SEC24C: variants seen among roughly 807,000 people sequenced by gnomAD.
The protein encoded by SEC24C is protein transport protein Sec24C.
Under a neutral mutation model 117.0 loss-of-function variants are expected in SEC24C, and 22 were observed. That is an observed-to-expected ratio of 0.19 (90% CI 0.13 to 0.27). The LOEUF is 0.27. Among genes scored for constraint, SEC24C ranks in the 10% least tolerant of loss-of-function variants. The probability of loss-of-function intolerance (pLI) is 1.00; values close to 1 mark genes in which losing one functional copy is unlikely to be tolerated. For missense variants in SEC24C, 1,155 were observed against 1,375.1 expected (o/e 0.84, Z 2.53); for synonymous variants, 506 against 529.4 (o/e 0.96, Z 0.61).
At chr10:73,759,162 C>T (rs1246725838) in intron 3 of SEC24C, among the ~76,000 whole-genome samples, 3 of 151,566 alleles carry the variant, frequency 2.0e-5, no homozygotes, top group African/African-American at 7.3e-5. Flanking sequence ...CACCACTGCA[C>T]TTCAGCCTGG....
At chr10:73,768,965 C>G (rs371812728) in intron 16 of SEC24C, 42 bp from the exon 17 acceptor site, 1 of 1,614,216 alleles carries the variant, frequency 6.2e-7, no homozygotes, top group Non-Finnish European at 8.5e-7. Flanking sequence ...GCATGTGGCA[C>G]TTGTCATACT....
intron 7 of SEC24C, 65 bp downstream of exon 7, chr10:73,763,666 GCTTTTTTTTTTTTTTTTTT>G: frequency 4.7e-6 from 1 of 212,428 alleles, no homozygotes. Flanking sequence ...TATGGTTGGG[GCTTTTTTTTTTTTTTTTTT>G]TTTTTTTTTT....
rs767691076 is a variant in SEC24C, at chr10:73,770,040, G to A, written c.2862+25G>A. ...GGTGCGATTGAGGGTTGGAGTATGA[G>A]ATCTTGCACGGAGCAAAGGGCCTCT... is the stretch of plus-strand genomic sequence containing the variant. On this transcript the variant is annotated intron_variant, in intron 20 of 22. Coordinates refer to ENST00000345254, the MANE Select transcript of SEC24C (RefSeq NM_198597.3). 3.7e-6 allele frequency: 6 copies of A among 1,608,866 alleles called. No homozygotes were observed. In the African/African-American group the frequency reaches 5.3e-5, roughly 14 times the overall value.
chr10:73,762,000 T>C, intron 6 of SEC24C: 5 of 794,100 alleles, frequency 6.3e-6, no homozygotes, highest in Non-Finnish European at 9.3e-6. Flanking sequence ...GCTGTTCATG[T>C]CTAACTCAAC....
intron 4 of SEC24C, 48 bp from the exon 5 acceptor site, chr10:73,759,970 G>A: frequency 6.6e-7 from 1 of 1,522,490 alleles, no homozygotes; most frequent in African/African-American, 1.4e-5. Flanking sequence ...ACCGAACAAG[G>A]AGGCAGAATG....
rs986511957 is a variant in SEC24C at position 73,771,311 on chromosome 10, C to T, written c.*216C>T. Reference sequence around the variant, plus strand: ...GGTGCCCCTGTTCCCTCATTCTACCCTCTTTTTCCTGCTAATCCTGTCATA... The same window carrying T: ...GGTGCCCCTGTTCCCTCATTCTACCTTCTTTTTCCTGCTAATCCTGTCATA... On this transcript the variant is annotated 3_prime_UTR_variant, in exon 23 of 23. Coordinates refer to ENST00000345254, the MANE Select transcript of SEC24C (RefSeq NM_198597.3). The T allele has an allele frequency of 1.8e-6, 1 of 569,800 alleles. No homozygotes were observed. The highest frequency in any genetic ancestry group is 3.1e-6 in the Non-Finnish European group (1 of 323,326). 35.3% of individuals were successfully genotyped at this position (569,800 alleles called of 1,614,324 possible).
chr10:73,767,497 G>A (rs898802618), intron 14 of SEC24C, among the ~76,000 whole-genome samples: 4 of 151,962 alleles, frequency 2.6e-5, no homozygotes, highest in South Asian at 4.2e-4. Context: ...GCAAAACCCC[G>A]TCTCTACTAA....
chr10:73,760,354 C>T lies in SEC24C; in HGVS notation c.818C>T (p.Pro273Leu), dbSNP rs577544172. Residue 273 changes from proline to leucine, a missense_variant, in exon 5 of 23, where the codon CCG becomes CTG. By Grantham distance (98) the Pro-to-Leu change is moderately conservative (BLOSUM62 -3). Transcript: ENST00000345254. ...PLGPLPPMHSPQQPGYQPQQN... is the reference protein window; with the variant it reads ...PLGPLPPMHSLQQPGYQPQQN... ...GGACCACTGCCACCTATGCACTCCC[C>T]GCAGCAGCCAGGCTATCAGCCCCAA... is the stretch of plus-strand genomic sequence containing the variant. 23 of 1,603,824 alleles carry T rather than the reference C, an allele frequency of 1.4e-5. No individual in the cohort carries two copies. The highest frequency in any genetic ancestry group is 8.0e-5 in the African/African-American group (6 of 74,866).
Position 73,749,539 on chromosome 10 carries a change from C to CTT in SEC24C, c.173-1555_173-1554dup, listed in dbSNP as rs1163386772. 2.4e-3 allele frequency among the ~76,000 whole-genome samples: 338 copies of CTT among 139,462 alleles called. 1 individual carries two copies. Among genetic ancestry groups the CTT allele is most frequent in the African/African-American group, 8.4e-3 (320 of 38,148 alleles). 91.5% of individuals were successfully genotyped at this position (139,462 alleles called of 152,430 possible). On this transcript the variant is annotated intron_variant, in intron 2 of 22. Coordinates refer to ENST00000345254, the MANE Select transcript of SEC24C (RefSeq NM_198597.3). Reference sequence around the variant, plus strand: ...GCTTTTAACCTTACCTTTTCTTTTTCTTTTTTTTTTTTTTTCTTTTTGGAG... The same window carrying CTT: ...GCTTTTAACCTTACCTTTTCTTTTTCTTTTTTTTTTTTTTTTTCTTTTTGGAG...
In SEC24C at chr10:73,760,084, C is replaced by T. The variant is rs1351721889; in HGVS notation, c.548C>T (p.Pro183Leu). The T allele has an allele frequency of 3.1e-6, 5 of 1,613,858 alleles. No individual in the cohort carries two copies. The highest frequency in any genetic ancestry group is 4.2e-6 in the Non-Finnish European group (5 of 1,179,908). The change falls in exon 5 of 23, where the codon CCT (proline) becomes CTT (leucine). Residue 183 changes from proline (P) to leucine (L), a missense_variant. By Grantham distance (98) the Pro-to-Leu change is moderately conservative (BLOSUM62 -3). This residue lies in a region of SEC24C where 396 missense variants were observed against 382.8 expected (regional missense o/e 1.03). Transcript: ENST00000345254. ...FPNSGLYGSYPQGQAPPLSQA... is the reference protein window; with the variant it reads ...FPNSGLYGSYLQGQAPPLSQA... The stretch of plus-strand genomic sequence containing the variant: ...AACTCTGGTCTGTATGGCTCCTATC[C>T]TCAGGGCCAGGCTCCTCCCCTTAGC...
chr10:73,752,953 A>T (rs2082662404), intron 3 of SEC24C, among the ~76,000 whole-genome samples: 1 of 152,166 alleles, frequency 6.6e-6, no homozygotes, highest in South Asian at 2.1e-4. Flanking sequence ...ACTCACCCCA[A>T]AAGCCTTTTC....
intron 11 of SEC24C, 51 bp from the exon 12 acceptor site, chr10:73,766,297 TTG>T (rs2082882647): frequency 6.3e-6 from 10 of 1,581,276 alleles, no homozygotes; most frequent in South Asian, 3.5e-5. Flanking sequence ...TGTCATGAAG[TTG>T]TGGGTGGTGG....
At chr10:73,753,792 T>C (rs1020145386) in intron 3 of SEC24C, among the ~76,000 whole-genome samples, 4 of 152,220 alleles carry the variant, frequency 2.6e-5, no homozygotes, top group African/African-American at 9.6e-5. Flanking sequence ...TTCTTAGTAT[T>C]TATCTGTTGA....
intron 6 of SEC24C, among the ~76,000 whole-genome samples, chr10:73,761,164 C>T (rs1327380741): frequency 6.6e-6 from 1 of 152,170 alleles, no homozygotes; most frequent in Non-Finnish European, 1.5e-5. Context: ...TTCTGTGGAG[C>T]AGTGACTGGG....
At chr10:73,747,588 G>A (rs2132515555) in intron 2 of SEC24C, among the ~76,000 whole-genome samples, 1 of 150,828 alleles carries the variant, frequency 6.6e-6, no homozygotes, top group South Asian at 2.1e-4. Flanking sequence ...TCCTGACCTT[G>A]TGATCTGCCC....
Position 73,762,407 on chromosome 10 carries a change from T to A in SEC24C, c.988-1083T>A, listed in dbSNP as rs535219302. Among the ~76,000 whole-genome samples, 5 of 152,292 alleles carry A rather than the reference T, an allele frequency of 3.3e-5. No individual in the cohort carries two copies. The East Asian group carries it at 7.7e-4, about 24-fold the overall frequency. ...TATGGGGTGGTGGAAGGTCAGGCTC[T>A]AAGGGTGGGGTCAGGTGGCATGTCA... On this transcript the variant is annotated intron_variant, in intron 6 of 22. Coordinates refer to ENST00000345254, the MANE Select transcript of SEC24C (RefSeq NM_198597.3).
rs758531817 is a variant in SEC24C, at chr10:73,769,528, T to G, written c.2563+43T>G. ...GCAGGGTGGGATTGGGGCTGAGAGG[T>G]CCAGGATGGTGAGTGGGTAGTTGTG... is the stretch of plus-strand genomic sequence containing the variant. On this transcript the variant is annotated intron_variant, in intron 18 of 22. Coordinates refer to ENST00000345254, the MANE Select transcript of SEC24C (RefSeq NM_198597.3). This position sits in a 1 kb window ranked among gnomAD's most constrained non-coding sequence, Gnocchi z 4.5. The G allele has an allele frequency of 1.9e-6, 3 of 1,613,552 alleles. No homozygotes were observed. In the South Asian group the frequency reaches 3.3e-5, roughly 18 times the overall value.
chr10:73,747,910 C>T (rs1188650029), intron 2 of SEC24C, among the ~76,000 whole-genome samples: 7 of 151,902 alleles, frequency 4.6e-5, no homozygotes, highest in East Asian at 1.9e-4. Flanking sequence ...CCACCCACCT[C>T]GGACTCCCAA....
In SEC24C at chr10:73,746,967, T is replaced by C; in HGVS notation, c.135T>C (p.Asn45=). 6.2e-7 allele frequency: 1 copy of C among 1,613,950 alleles called. No individual in the cohort carries two copies. The highest frequency in any genetic ancestry group is 8.5e-7 in the Non-Finnish European group (1 of 1,179,930). Residue 45 remains asparagine (N), a synonymous_variant, in exon 2 of 23, where the codon AAT becomes AAC. Coordinates refer to ENST00000345254, the MANE Select transcript of SEC24C (RefSeq NM_198597.3). ...TAPAIPYGAY[N]GPVPGYQQTP... ...CCGCCATTCCCTATGGAGCCTACAA[T>C]GGCCCAGTACCAGGCTATCAGCAAA...
Sources: gnomAD v4.1 joint callset for allele counts (sites outside exome capture counted in the v4.1 genomes callset) on GRCh38, gnomAD v4.1.1 for gene constraint, gnomAD v4.1.1 regional missense constraint, Gnocchi (gnomAD v3.1) non-coding constraint, MANE v1.5 for transcripts, NCBI Gene and HGNC (gene_info 2026-07-23, HGNC 2026-07-21) for gene names.